Variants in SORD observed in about 807,000 individuals in gnomAD.
SORD encodes the protein sorbitol dehydrogenase, also known as (R,R)-butanediol dehydrogenase.
Under a neutral mutation model 35.6 loss-of-function variants are expected in SORD, and 18 were observed. The observed-to-expected ratio is 0.51, with a 90% CI of 0.35 to 0.75. The LOEUF is 0.75. Ranked by LOEUF, SORD falls within the 30% of genes least tolerant of loss-of-function variation. SORD has a pLI of 0.01. For synonymous variants in SORD, 106 were observed against 152.9 expected (o/e 0.69, Z 2.26); for missense variants, 250 against 390.2 (o/e 0.64, Z 3.03).
chr15:45,051,005 A>G (rs944923116), intron 3 of SORD, among the ~76,000 whole-genome samples: 11 of 152,280 alleles, frequency 7.2e-5, no homozygotes, highest in Middle Eastern at 3.4e-3. Context: ...AGTCCTATAC[A>G]TTTTTCCTCT....
intron 3 of SORD, among the ~76,000 whole-genome samples, chr15:45,058,881 T>C (rs1394079035): frequency 2.6e-5 from 4 of 152,216 alleles, no homozygotes; most frequent in Non-Finnish European, 5.9e-5. Flanking sequence ...TGCAAGCATG[T>C]ATTAGGCAAG....
At chr15:45,061,827 C>G (rs1893316303) in intron 4 of SORD, among the ~76,000 whole-genome samples, 1 of 151,992 alleles carries the variant, frequency 6.6e-6, no homozygotes. Context: ...CGAGATGGCG[C>G]CACTGCACTC....
chr15:45,038,792 C>T (rs1272841083), intron 1 of SORD, among the ~76,000 whole-genome samples: 1 of 152,134 alleles, frequency 6.6e-6, no homozygotes, highest in Non-Finnish European at 1.5e-5. Flanking sequence ...GGTGGGGCTG[C>T]CTATGAAAGT....
intron 1 of SORD, among the ~76,000 whole-genome samples, chr15:45,029,862 G>A (rs956761729): frequency 2.0e-5 from 3 of 152,252 alleles, no homozygotes; most frequent in African/African-American, 7.2e-5. Context: ...TCTCCTCCCC[G>A]AAGTCAGGTC....
chr15:45,050,808 G>C (rs1172750539), intron 3 of SORD: 2 of 152,220 alleles, frequency 1.3e-5, no homozygotes, highest in Non-Finnish European at 1.5e-5. Flanking sequence ...GTTCACAGGA[G>C]TATACATTAC....
At chr15:45,032,290 A>G (rs2457655) in intron 1 of SORD, among the ~76,000 whole-genome samples, 2,269 of 151,988 alleles carry the variant, frequency 0.015, 25 homozygotes, top group Middle Eastern at 0.037. Context: ...TAAGATGGTA[A>G]ATTTTATGTT....
chr15:45,040,812 C>T (rs1466424631), intron 2 of SORD, among the ~76,000 whole-genome samples: 1 of 152,216 alleles, frequency 6.6e-6, no homozygotes, highest in Non-Finnish European at 1.5e-5. Flanking sequence ...GGCCAAGTGT[C>T]CTAACCCTAA....
chr15:45,050,113 C>T (rs1319715160), intron 3 of SORD, among the ~76,000 whole-genome samples: 2 of 152,114 alleles, frequency 1.3e-5, no homozygotes, highest in Non-Finnish European at 2.9e-5. Context: ...GACGGAGTCT[C>T]GCACTCTCGC....
At chr15:45,065,623 T>C (rs910825343) in intron 5 of SORD, among the ~76,000 whole-genome samples, 6 of 152,188 alleles carry the variant, frequency 3.9e-5, no homozygotes. Flanking sequence ...TTTTTGTTCA[T>C]TTAAAGAATG....
intron 6 of SORD, 146 bp from the exon 7 acceptor site, chr15:45,068,731 T>G (rs1893451930): frequency 1.2e-6 from 1 of 869,226 alleles, no homozygotes; most frequent in South Asian, 2.1e-5. Context: ...GTGTGAAGAG[T>G]ATGTGTGTTG....
chr15:45,024,586 C>T (rs1399630389), intron 1 of SORD, among the ~76,000 whole-genome samples: 3 of 152,084 alleles, frequency 2.0e-5, no homozygotes, highest in Non-Finnish European at 4.4e-5. Flanking sequence ...GGAGCCTCCA[C>T]CCAAGGTCCT....
chr15:45,034,254 G>A (rs1462062676), intron 1 of SORD, among the ~76,000 whole-genome samples: 1 of 152,094 alleles, frequency 6.6e-6, no homozygotes, highest in Non-Finnish European at 1.5e-5. Flanking sequence ...CTGAGGTCAC[G>A]CAGCTGGTGG....
intron 3 of SORD, among the ~76,000 whole-genome samples, chr15:45,059,374 A>G (rs4774511): frequency 6.6e-6 from 1 of 151,938 alleles, no homozygotes; most frequent in Non-Finnish European, 1.5e-5. Flanking sequence ...CAAAAAAAAA[A>G]CCCCAAAAAA....
At chr15:45,060,676 CT>C (rs1185593240) in intron 3 of SORD, among the ~76,000 whole-genome samples, 2 of 152,322 alleles carry the variant, frequency 1.3e-5, no homozygotes, top group Admixed American at 6.5e-5. Flanking sequence ...TTAGCTACCC[CT>C]TTTCCAGCAG....
At chr15:45,037,550 T>G (rs1892889229) in intron 1 of SORD, among the ~76,000 whole-genome samples, 1 of 152,222 alleles carries the variant, frequency 6.6e-6, no homozygotes, top group Admixed American at 6.5e-5. Context: ...CTCCCATGTT[T>G]GAAATAAAGA....
chr15:45,037,219 C>T (rs1381945669), intron 1 of SORD, among the ~76,000 whole-genome samples: 4 of 152,370 alleles, frequency 2.6e-5, no homozygotes, highest in East Asian at 1.9e-4. Context: ...TGTTCTGCTA[C>T]AGGCACAGCA....
intron 3 of SORD, among the ~76,000 whole-genome samples, chr15:45,056,037 T>C (rs1381924428): frequency 1.3e-5 from 2 of 148,474 alleles, no homozygotes; most frequent in East Asian, 3.9e-4. Flanking sequence ...AATATCATAC[T>C]GAATGGGCAA....
At chr15:45,025,302 T>C (rs1387435897) in intron 1 of SORD, among the ~76,000 whole-genome samples, 1 of 151,976 alleles carries the variant, frequency 6.6e-6, no homozygotes, top group Non-Finnish European at 1.5e-5. Flanking sequence ...CTAGTCAGAG[T>C]AGATTAAAAT....
chr15:45,044,796 C>G (rs1893020404), intron 3 of SORD, among the ~76,000 whole-genome samples: 2 of 151,050 alleles, frequency 1.3e-5, no homozygotes, highest in Admixed American at 1.3e-4. Context: ...CCTCCTGGTT[C>G]AAGTGATTCC....
Sources: allele counts gnomAD v4.1 joint callset (sites outside exome capture counted in the v4.1 genomes callset), GRCh38; gene constraint gnomAD v4.1.1; transcripts MANE v1.5; gene names NCBI Gene and HGNC (gene_info 2026-07-23, HGNC 2026-07-21).